The following SNED1 variants were observed in gnomAD, a reference collection of about 807,000 sequenced individuals.
SNED1 encodes the protein sushi, nidogen and EGF-like domain-containing protein 1.
A neutral mutation model predicts 166.7 loss-of-function variants in SNED1; 81 were observed. The ratio of observed to expected loss-of-function variants is 0.49; its 90% CI spans 0.41 to 0.58. The LOEUF (loss-of-function observed/expected upper bound fraction) is 0.58. Ranked by LOEUF, SNED1 falls within the 20% of genes least tolerant of loss-of-function variation. The probability of loss-of-function intolerance (pLI) is 0.00; values close to 1 mark genes in which losing one functional copy is unlikely to be tolerated. For synonymous variants in SNED1, 762 were observed against 822.0 expected, an observed-to-expected ratio of 0.93 and a Z score of 1.25; for missense variants, 1,604 against 2,000.2, an observed-to-expected ratio of 0.80 and a Z score of 3.78.
In SNED1 at chr2:241,068,269, C is replaced by T. The variant is rs145288642; in HGVS notation, c.3194+322C>T. Among the ~76,000 whole-genome samples, 245 of 151,372 alleles carry T rather than the reference C, an allele frequency of 1.6e-3. No homozygotes were observed. Among genetic ancestry groups the T allele is most frequent in the Non-Finnish European group, 2.2e-3 (149 of 67,638 alleles). ...AGTGACTTGGCCCCTCAGAGAGCAGCGGCCAGCGAGGGTAGATGGTAGCAG... is the reference window on the plus strand; with the variant it reads ...AGTGACTTGGCCCCTCAGAGAGCAGTGGCCAGCGAGGGTAGATGGTAGCAG... On this transcript the variant is annotated intron_variant, in intron 22 of 31. Coordinates refer to ENST00000310397, the MANE Select transcript of SNED1 (RefSeq NM_001080437.3). The surrounding 1 kb of genome is among the most constrained non-coding windows in gnomAD (Gnocchi z 5.3).
At chr2:241,087,989 G>A (rs866771148) in intron 30 of SNED1, 32 of 398,342 alleles carry the variant, frequency 8.0e-5, no homozygotes, top group Middle Eastern at 6.3e-4. Context: ...ACACGTACTT[G>A]TTTGGCATTA....
chr2:241,063,960 TC>T, intron 18 of SNED1, 51 bp from the exon 19 acceptor site: 1 of 1,291,126 alleles, frequency 7.7e-7, no homozygotes, highest in Non-Finnish European at 1.1e-6. Flanking sequence ...CTCTCCTCCC[TC>T]CCCCAGACTC....
chr2:241,031,953 C>A (rs549222641), intron 2 of SNED1, among the ~76,000 whole-genome samples: 1 of 152,188 alleles, frequency 6.6e-6, no homozygotes, highest in Non-Finnish European at 1.5e-5. Flanking sequence ...GGGCCTGAGG[C>A]GGGCACGGCA....
chr2:241,056,781 C>G (rs151008294), intron 16 of SNED1, among the ~76,000 whole-genome samples: 2,489 of 151,252 alleles, frequency 0.016, 55 homozygotes, highest in African/African-American at 0.058. Context: ...CAGGGTTTCA[C>G]CGTGTTAGCC....
At chr2:241,036,051 G>GGGGC (rs2061353655) in intron 4 of SNED1, among the ~76,000 whole-genome samples, 1 of 22,360 alleles carries the variant, frequency 4.5e-5, no homozygotes, top group African/African-American at 4.9e-4. Flanking sequence ...GGGGGGTGGA[G>GGGGC]GTGCGTCACA....
In SNED1 at chr2:241,082,184, C is replaced by G. The variant is rs1367608112; in HGVS notation, c.4034-93C>G. ...GCCTTGGAGGAAGCCAGCCTAAGGA[C>G]CCCCGGGCCCTCTCCCTTGGGCAAG... On this transcript the variant is annotated intron_variant, in intron 28 of 31. Transcript: ENST00000310397. 8 of 995,796 alleles carry G rather than the reference C, an allele frequency of 8.0e-6. No individual in the cohort carries two copies. The Admixed American group carries it at 1.7e-4, about 21-fold the overall frequency. 61.7% of individuals were successfully genotyped at this position (995,796 alleles called of 1,614,324 possible).
In SNED1 at chr2:241,051,708, G is replaced by T. The variant is rs980142458; in HGVS notation, c.1736-36G>T. 2.5e-5 allele frequency: 36 copies of T among 1,426,434 alleles called. No homozygotes were observed. Among genetic ancestry groups the T allele is most frequent in the Non-Finnish European group, 2.4e-5 (26 of 1,077,294 alleles). 88.4% of individuals were successfully genotyped at this position (1,426,434 alleles called of 1,614,324 possible). A position where few individuals can be genotyped will look rare whatever the true frequency, so the allele number is the denominator to read the frequency against. On this transcript the variant is annotated intron_variant, in intron 12 of 31. Coordinates refer to ENST00000310397, the MANE Select transcript of SNED1 (RefSeq NM_001080437.3). This position sits in a 1 kb window ranked among gnomAD's most constrained non-coding sequence, Gnocchi z 4.7. ...AGTGGCTCTGTGGGGCCAGCAGCCT[G>T]GCCCCGTTCATCTGCCTCTCTGTCC...
chr2:241,077,310 C>G (rs2063073691), intron 27 of SNED1, among the ~76,000 whole-genome samples: 1 of 152,144 alleles, frequency 6.6e-6, no homozygotes, highest in African/African-American at 2.4e-5. Flanking sequence ...GGAGCTAAAA[C>G]CAAAACTCTT....
Position 241,030,606 on chromosome 2 carries a change from G to C in SNED1, c.501+35G>C, listed in dbSNP as rs774256708. On this transcript the variant is annotated intron_variant, in intron 2 of 31. Coordinates refer to ENST00000310397, the MANE Select transcript of SNED1 (RefSeq NM_001080437.3). Reference sequence around the variant, plus strand: ...GGCACTTGTCCTGGGGAGGGTGGGTGTGTGGCTAGGGCCCAGGGTCTCCCC... The same window carrying C: ...GGCACTTGTCCTGGGGAGGGTGGGTCTGTGGCTAGGGCCCAGGGTCTCCCC... 4.4e-6 allele frequency: 7 copies of C among 1,603,148 alleles called. No homozygotes were observed. The African/African-American group carries it at 9.4e-5, about 21-fold the overall frequency.
intron 31 of SNED1, 185 bp downstream of exon 31, chr2:241,088,587 G>C: frequency 1.7e-6 from 1 of 600,080 alleles, no homozygotes; most frequent in Non-Finnish European, 3.0e-6. Flanking sequence ...AGGGGAAACA[G>C]ACATGAACCT....
At chr2:241,027,637 GT>G (rs1421227890) in intron 1 of SNED1, among the ~76,000 whole-genome samples, 2 of 151,298 alleles carry the variant, frequency 1.3e-5, no homozygotes, top group African/African-American at 4.9e-5. Flanking sequence ...CCACCATATT[GT>G]TTTTCACAGC....
chr2:241,052,440 AG>A lies in SNED1; in HGVS notation c.2058del (p.Tyr687ThrfsTer18). 6.2e-7 allele frequency: 1 copy of A among 1,609,664 alleles called. No homozygotes were observed. Among genetic ancestry groups the A allele is most frequent in the Middle Eastern group, 1.7e-4 (1 of 6,026 alleles). ...CGGATTTCTTCTGCCACTGCCAAGC[AG>A]GGTACATGGGACGCCGGTGCCAGGC... The part of the protein sequence containing the change: ...DTDFFCHCQA[G>X]YMGRRCQAEV... On this transcript the variant is annotated frameshift_variant, in exon 15 of 32. Coordinates refer to ENST00000310397, the MANE Select transcript of SNED1 (RefSeq NM_001080437.3). LOFTEE classifies it high-confidence loss of function.
In SNED1 at chr2:241,034,704, T is replaced by G. The variant is rs938442095; in HGVS notation, c.779T>G (p.Val260Gly). ...GCGTTCAGAATCGATGATGCCCAGG[T>G]GCGCGTGGGGGGCTGCGGCCATACA... The part of the protein sequence containing the change: ...RWAFRIDDAQ[V>G]RVGGCGHTTS... The change falls in exon 4 of 32, where the codon GTG (valine) becomes GGG (glycine). Residue 260 changes from valine to glycine, a missense_variant. This residue lies in a region of SNED1 where 1,237 missense variants were observed against 1,620.8 expected (regional missense o/e 0.76). Coordinates refer to ENST00000310397, the MANE Select transcript of SNED1 (RefSeq NM_001080437.3). The G allele has an allele frequency of 6.3e-7, 1 of 1,588,558 alleles. No homozygotes were observed. The highest frequency in any genetic ancestry group is 8.6e-7 in the Non-Finnish European group (1 of 1,168,378).
chr2:241,073,977 G>A lies in SNED1; in HGVS notation c.3916+613G>A, dbSNP rs1169324656. The A allele has an allele frequency of 1.3e-5, 2 of 154,196 alleles. No homozygotes were observed. The highest frequency in any genetic ancestry group is 2.9e-5 in the Non-Finnish European group (2 of 69,392). 9.6% of individuals were successfully genotyped at this position (154,196 alleles called of 1,614,324 possible). On this transcript the variant is annotated intron_variant, in intron 27 of 31. Coordinates refer to ENST00000310397, the MANE Select transcript of SNED1 (RefSeq NM_001080437.3). The surrounding 1 kb of genome is among the most constrained non-coding windows in gnomAD (Gnocchi z 6.6). ...CCCTTCGGGCAGCACCAATACATGT[G>A]TGTTCCTCACCCTGAGTCAGACTCT...
Position 241,062,821 on chromosome 2 carries a change from T to G in SNED1, c.2288T>G (p.Leu763Arg). 1 of 1,611,784 alleles carries G rather than the reference T, an allele frequency of 6.2e-7. No homozygotes were observed. The highest frequency in any genetic ancestry group is 8.5e-7 in the Non-Finnish European group (1 of 1,179,068). The change falls in exon 17 of 32, where the codon CTG becomes CGG. Residue 763 changes from leucine to arginine, a missense_variant. Coordinates refer to ENST00000310397, the MANE Select transcript of SNED1 (RefSeq NM_001080437.3). Reference sequence around the variant, plus strand: ...GATGAGTGCCGGTCTCAGCCGTGCCTGCATGGGGGCTCTTGTCAGGACCGC... The same window carrying G: ...GATGAGTGCCGGTCTCAGCCGTGCCGGCATGGGGGCTCTTGTCAGGACCGC... The part of the protein sequence containing the change: ...EIDECRSQPC[L>R]HGGSCQDRVA...
Position 240,999,626 on chromosome 2 carries a change from G to A in SNED1, c.213+576G>A, listed in dbSNP as rs1404482084. ...CTTGCCCCTCCCTGCCGTCCTCTCC[G>A]CAGTCTGGGGGCTGGCCGCTCAGGC... is the stretch of plus-strand genomic sequence containing the variant. On this transcript the variant is annotated intron_variant, in intron 1 of 31. Coordinates refer to ENST00000310397, the MANE Select transcript of SNED1 (RefSeq NM_001080437.3). The surrounding 1 kb of genome is among the most constrained non-coding windows in gnomAD (Gnocchi z 5.8). Among the ~76,000 whole-genome samples, 1 of 152,150 alleles carries A rather than the reference G, an allele frequency of 6.6e-6. No homozygotes were observed. Among genetic ancestry groups the A allele is most frequent in the Non-Finnish European group, 1.5e-5 (1 of 68,004 alleles).
At chr2:241,014,652 G>T (rs952505792) in intron 1 of SNED1, among the ~76,000 whole-genome samples, 1 of 152,126 alleles carries the variant, frequency 6.6e-6, no homozygotes, top group Non-Finnish European at 1.5e-5. Flanking sequence ...GTAACACCAG[G>T]TCATAGGTGC....
At chr2:241,010,949 G>A (rs915022435) in intron 1 of SNED1, among the ~76,000 whole-genome samples, 5 of 152,200 alleles carry the variant, frequency 3.3e-5, no homozygotes, top group African/African-American at 4.8e-5. Flanking sequence ...GGCCCTGGAC[G>A]ATGGGATCCA....
chr2:241,068,736 G>A lies in SNED1; in HGVS notation c.3195-175G>A, dbSNP rs571157624. ...GACTATGGGTTGGCTTCCCGCCCTAGGAGCACACGGCTCTGAGGGCCATGA... is the reference window on the plus strand; with the variant it reads ...GACTATGGGTTGGCTTCCCGCCCTAAGAGCACACGGCTCTGAGGGCCATGA... On this transcript the variant is annotated intron_variant, in intron 22 of 31. Coordinates refer to ENST00000310397, the MANE Select transcript of SNED1 (RefSeq NM_001080437.3). The surrounding 1 kb of genome is among the most constrained non-coding windows in gnomAD (Gnocchi z 5.3). Among the ~76,000 whole-genome samples, 532 of 152,278 alleles carry A rather than the reference G, an allele frequency of 3.5e-3. 2 individuals carry two copies. The highest frequency in any genetic ancestry group is 7.7e-3 in the Admixed American group (118 of 15,306).
Sources: gnomAD v4.1 joint callset for allele counts (sites outside exome capture counted in the v4.1 genomes callset) on GRCh38, gnomAD v4.1.1 for gene constraint, gnomAD v4.1.1 regional missense constraint, Gnocchi (gnomAD v3.1) non-coding constraint, MANE v1.5 for transcripts, NCBI Gene and HGNC (gene_info 2026-07-23, HGNC 2026-07-21) for gene names.